FAF1: variants seen among roughly 807,000 people sequenced by gnomAD.
FAF1 encodes FAS-associated factor 1.
Under a neutral mutation model 92.5 loss-of-function variants are expected in FAF1, and 25 were observed. That is an observed-to-expected ratio of 0.27 (90% confidence interval 0.20 to 0.38). The LOEUF (loss-of-function observed/expected upper bound fraction) is 0.38, where lower values mean the gene tolerates loss of function less well. Among genes scored for constraint, FAF1 ranks in the 10% least tolerant of loss-of-function variants. The pLI, the probability that FAF1 is intolerant of heterozygous loss-of-function variation, is 1.00. For synonymous variants in FAF1, 234 were observed against 273.2 expected (o/e 0.86, Z 1.42); for missense variants, 636 against 793.3 (o/e 0.80, Z 2.38).
At chr1:50,903,378 A>C (rs919767354) in intron 1 of FAF1, among the ~76,000 whole-genome samples, 2 of 152,126 alleles carry the variant, frequency 1.3e-5, no homozygotes, top group Non-Finnish European at 2.9e-5. Context: ...TGATTAGCAC[A>C]CTGTGTCTTT....
chr1:50,623,618 C>T (rs1653317241), intron 8 of FAF1, among the ~76,000 whole-genome samples: 1 of 150,564 alleles, frequency 6.6e-6, no homozygotes, highest in African/African-American at 2.4e-5. Flanking sequence ...GAAATTTTGG[C>T]TCAGGTTTAA....
chr1:50,771,439 C>T (rs1002271656), intron 4 of FAF1, among the ~76,000 whole-genome samples: 4 of 152,064 alleles, frequency 2.6e-5, no homozygotes, highest in Admixed American at 2.6e-4. Flanking sequence ...CAAACAACCC[C>T]ATTAAAAAGT....
At chr1:50,845,565 C>T (rs760587526) in intron 2 of FAF1, among the ~76,000 whole-genome samples, 27 of 152,066 alleles carry the variant, frequency 1.8e-4, no homozygotes, top group Admixed American at 2.6e-4. Flanking sequence ...TGTGTACCCA[C>T]TCTTCTGCTT....
In FAF1 at chr1:50,601,175, T is replaced by C. The variant is rs149212824; in HGVS notation, c.745-4959A>G. 1.2e-3 allele frequency among the ~76,000 whole-genome samples: 188 copies of C among 152,342 alleles called. 2 individuals carry two copies. The East Asian group carries it at 0.032, about 26-fold the overall frequency. ...TCTTCTTTACACAATAAACAAAGCA[T>C]ATAGTATTTTCTTTGTATTATTCTT... On this transcript the variant is annotated intron_variant, in intron 8 of 18. Transcript: ENST00000396153.
At chr1:50,528,360 TA>T (rs1001424817) in intron 15 of FAF1, among the ~76,000 whole-genome samples, 6 of 152,084 alleles carry the variant, frequency 3.9e-5, no homozygotes, top group African/African-American at 1.2e-4. Context: ...TCTTCTGTTC[TA>T]AAAAAAATTC....
chr1:50,769,075 G>C (rs745719352), intron 4 of FAF1, among the ~76,000 whole-genome samples: 27 of 150,874 alleles, frequency 1.8e-4, no homozygotes, highest in Non-Finnish European at 3.2e-4. Context: ...AAGAGAGAGA[G>C]ATAGCTCCAA....
At chr1:50,507,872 G>A (rs1007342165) in intron 15 of FAF1, among the ~76,000 whole-genome samples, 1 of 152,106 alleles carries the variant, frequency 6.6e-6, no homozygotes, top group African/African-American at 2.4e-5. Flanking sequence ...TCAGGTCATA[G>A]GACATTCTGA....
intron 3 of FAF1, among the ~76,000 whole-genome samples, chr1:50,790,098 G>C (rs1348105266): frequency 6.6e-6 from 1 of 152,080 alleles, no homozygotes; most frequent in East Asian, 1.9e-4. Flanking sequence ...TGACATCTAT[G>C]TCTCCACTGG....
chr1:50,876,629 A>G (rs1395504228), intron 1 of FAF1, among the ~76,000 whole-genome samples: 1 of 152,196 alleles, frequency 6.6e-6, no homozygotes, highest in Non-Finnish European at 1.5e-5. Flanking sequence ...TCTGTCACCC[A>G]GGCTGGAGTG....
chr1:50,910,400 C>T (rs1644875104), intron 1 of FAF1, among the ~76,000 whole-genome samples: 1 of 152,212 alleles, frequency 6.6e-6, no homozygotes, highest in Non-Finnish European at 1.5e-5. Flanking sequence ...AGAACCACTA[C>T]TCTCTTCAAA....
intron 18 of FAF1, chr1:50,451,995 G>T (rs868211328): frequency 4.2e-6 from 5 of 1,203,450 alleles, no homozygotes; most frequent in Admixed American, 3.5e-5. Flanking sequence ...TGGTGGCTTT[G>T]GTCACTATAC....
intron 17 of FAF1, 70 bp from the exon 18 acceptor site, chr1:50,475,749 C>G (rs943599085): frequency 3.8e-6 from 4 of 1,038,978 alleles, no homozygotes; most frequent in Non-Finnish European, 5.5e-6. Flanking sequence ...GAGGAAGACA[C>G]CAGAAAAAAA....
intron 7 of FAF1, among the ~76,000 whole-genome samples, chr1:50,694,208 A>G (rs1373684836): frequency 6.6e-6 from 1 of 152,192 alleles, no homozygotes; most frequent in Non-Finnish European, 1.5e-5. Flanking sequence ...TGATATTTAA[A>G]TGATATGCTT....
At chr1:50,510,451 GA>G (rs1033690542) in intron 15 of FAF1, among the ~76,000 whole-genome samples, 24 of 152,226 alleles carry the variant, frequency 1.6e-4, no homozygotes, top group African/African-American at 5.8e-4. Context: ...GGAAATGGTA[GA>G]GGGGGGGAAG....
chr1:50,542,633 A>G (rs1648812499), intron 13 of FAF1, among the ~76,000 whole-genome samples: 1 of 152,246 alleles, frequency 6.6e-6, no homozygotes, highest in Non-Finnish European at 1.5e-5. Flanking sequence ...ATAAAGTGAT[A>G]AATGGTTTCC....
intron 2 of FAF1, among the ~76,000 whole-genome samples, chr1:50,837,224 G>C (rs1210412796): frequency 6.6e-6 from 1 of 151,994 alleles, no homozygotes; most frequent in Non-Finnish European, 1.5e-5. Flanking sequence ...CCAAAGTGCT[G>C]GGATTACAGG....
chr1:50,870,736 G>A (rs1449377913), intron 1 of FAF1, among the ~76,000 whole-genome samples: 3 of 152,104 alleles, frequency 2.0e-5, no homozygotes, highest in African/African-American at 7.2e-5. Context: ...CTGCTCTGCT[G>A]ACCTGCCAGT....
chr1:50,944,718 A>G (rs1205915386), intron 1 of FAF1, among the ~76,000 whole-genome samples: 2 of 152,254 alleles, frequency 1.3e-5, no homozygotes, highest in African/African-American at 4.8e-5. Flanking sequence ...AATCTAGGTA[A>G]CTGAACAAGA....
In FAF1 at chr1:50,802,611, C is replaced by CTA. The variant is rs1239132761; in HGVS notation, c.115-936_115-935dup. Among the ~76,000 whole-genome samples, 5 of 152,122 alleles carry CTA rather than the reference C, an allele frequency of 3.3e-5. No homozygotes were observed. In the East Asian group the frequency reaches 9.6e-4, roughly 29 times the overall value. On this transcript the variant is annotated intron_variant, in intron 2 of 18. Transcript: ENST00000396153. Reference sequence around the variant, plus strand: ...GACAGGACATGTATGTTTTTGAAGGCTATTAAGCAAGCAGGCTGTCGAATC... The same window carrying CTA: ...GACAGGACATGTATGTTTTTGAAGGCTATATTAAGCAAGCAGGCTGTCGAATC...
Sources: allele counts gnomAD v4.1 joint callset (sites outside exome capture counted in the v4.1 genomes callset), GRCh38; gene constraint gnomAD v4.1.1; transcripts MANE v1.5; gene names NCBI Gene and HGNC (gene_info 2026-07-23, HGNC 2026-07-21).